Variants in DST observed in about 807,000 individuals in gnomAD.
The protein encoded by DST is dystonin.
A neutral mutation model predicts 875.2 loss-of-function variants in DST; 253 were observed. The ratio of observed to expected loss-of-function variants is 0.29; its 90% CI spans 0.26 to 0.32. The LOEUF (loss-of-function observed/expected upper bound fraction) is 0.32, where lower values mean the gene tolerates loss of function less well. Among genes scored for constraint, DST ranks in the 10% least tolerant of loss-of-function variants. The pLI is 1.00. For synonymous variants in DST, 3,124 were observed against 3,197.1 expected (o/e 0.98, Z 0.77); for missense variants, 8,287 against 9,111.6 (o/e 0.91, Z 3.68).
At chr6:56,493,896 T>G (rs1583061108) in intron 83 of DST, 114 bp downstream of exon 83, 1 of 802,022 alleles carries the variant, frequency 1.2e-6, no homozygotes, top group East Asian at 2.9e-5. Context: ...AAAAAATGTT[T>G]AAACATAAAT....
rs1040212954 is a variant in DST at position 56,572,643 on chromosome 6, A to C, written c.13554+104T>G. On this transcript the variant is annotated intron_variant, in intron 52 of 103. Transcript: ENST00000680361. ...AAACATAGATCTTTACTAATCTATA[A>C]GCAATTAAAATGATTGCCAATTATA... 9 of 834,424 alleles carry C rather than the reference A, an allele frequency of 1.1e-5. No individual in the cohort carries two copies. In the African/African-American group the frequency reaches 1.5e-4, roughly 14 times the overall value. 51.7% of individuals were successfully genotyped at this position (834,424 alleles called of 1,614,324 possible). A position where few individuals can be genotyped will look rare whatever the true frequency, so the allele number is the denominator to read the frequency against.
At chr6:56,898,267 T>C (rs992915913) in intron 3 of DST, among the ~76,000 whole-genome samples, 14 of 152,144 alleles carry the variant, frequency 9.2e-5, no homozygotes, top group African/African-American at 3.1e-4. Context: ...TATCCGAGCA[T>C]GAGTCAGTCT....
rs906435037 is a variant in DST, at chr6:56,517,531, G to A, written c.18219C>T (p.Asp6073=). 12 of 1,612,986 alleles carry A rather than the reference G, an allele frequency of 7.4e-6. No homozygotes were observed. The highest frequency in any genetic ancestry group is 6.7e-5 in the African/African-American group (5 of 74,858). Residue 6073 remains aspartate, a synonymous_variant, in exon 70 of 104, where the codon GAC becomes GAT. Transcript: ENST00000680361. The stretch of plus-strand genomic sequence containing the variant: ...GAACTTGAAGCTGAGCAGAAGTCTG[G>A]TCTTGCTCAAGCCTGATGTCACCCA... ...MSLGDIRLEQ[D]QTSAQLQVQK...
intron 102 of DST, chr6:56,460,574 C>T (rs1170079894): frequency 5.1e-6 from 1 of 196,754 alleles, no homozygotes; most frequent in African/African-American, 2.3e-5. Context: ...TAGTATCTTT[C>T]AGACTGTCAG....
rs57936670 is a variant in DST at position 56,638,129 on chromosome 6, C to G, written c.2964+1130G>C. 6.6e-3 allele frequency among the ~76,000 whole-genome samples: 1,004 copies of G among 152,132 alleles called. 13 individuals are homozygous for G. Among genetic ancestry groups the G allele is most frequent in the African/African-American group, 0.023 (971 of 41,514 alleles). ...TTTATTAATTAAATTATAATTTTTA[C>G]ATAAAAGTGATCAGAGTGACATTCA... is the stretch of plus-strand genomic sequence containing the variant. On this transcript the variant is annotated intron_variant, in intron 22 of 103. Transcript: ENST00000680361.
chr6:56,650,866 A>T, intron 12 of DST, 60 bp downstream of exon 12: 1 of 1,019,984 alleles, frequency 9.8e-7, no homozygotes, highest in Non-Finnish European at 1.5e-6. Flanking sequence ...TTATCAATAA[A>T]TGCAGTCAAT....
At chr6:56,850,436 G>A (rs891815680) in intron 4 of DST, among the ~76,000 whole-genome samples, 7 of 150,294 alleles carry the variant, frequency 4.7e-5, no homozygotes, top group Non-Finnish European at 5.9e-5. Flanking sequence ...AACAACTGTG[G>A]AAAGGGACCC....
At chr6:56,493,784 T>C (rs1325735338) in intron 83 of DST, among the ~76,000 whole-genome samples, 1 of 152,206 alleles carries the variant, frequency 6.6e-6, no homozygotes, top group Non-Finnish European at 1.5e-5. Context: ...ATTTGATCTA[T>C]ATATTTATCT....
At chr6:56,824,447 G>C (rs561386174) in intron 4 of DST, among the ~76,000 whole-genome samples, 114 of 152,272 alleles carry the variant, frequency 7.5e-4, no homozygotes, top group African/African-American at 2.7e-3. Flanking sequence ...GAAGTGAGGA[G>C]CGTCTCTGCC....
Position 56,745,496 on chromosome 6 carries a change from A to T in DST, c.626-10207T>A, listed in dbSNP as rs2099569612. Among the ~76,000 whole-genome samples the T allele has an allele frequency of 2.0e-5, 3 of 152,228 alleles. No homozygotes were observed. In the South Asian group the frequency reaches 6.2e-4, roughly 32 times the overall value. On this transcript the variant is annotated intron_variant, in intron 4 of 103. Coordinates refer to ENST00000680361, the MANE Select transcript of DST (RefSeq NM_001374736.1). ...GAAATTATACAATATTAGAAATAAGACAATTCTTAAAACAAATGGAACCAT... is the reference window on the plus strand; with the variant it reads ...GAAATTATACAATATTAGAAATAAGTCAATTCTTAAAACAAATGGAACCAT...
Position 56,607,820 on chromosome 6 carries a change from C to G in DST, c.6808G>C (p.Asp2270His). ...CTACTTGGTGTAGCTGTACATTCAT[C>G]CTTTTCTCTACCTGAAGCATTATTA... ...FLNNASGREK[D>H]ECTATPSSFN... Residue 2270 changes from aspartate to histidine, a missense_variant, in exon 40 of 104, where the codon GAT becomes CAT. Transcript: ENST00000680361. 1.2e-6 allele frequency: 2 copies of G among 1,613,478 alleles called. No homozygotes were observed. The highest frequency in any genetic ancestry group is 1.7e-6 in the Non-Finnish European group (2 of 1,179,684).
chr6:56,809,299 C>T (rs2099756972), intron 4 of DST, among the ~76,000 whole-genome samples: 1 of 152,180 alleles, frequency 6.6e-6, no homozygotes, highest in South Asian at 2.1e-4. Flanking sequence ...ATCTCAACTG[C>T]CCCTCCCCGA....
Position 56,614,429 on chromosome 6 carries a change from T to G in DST, c.4985A>C (p.Lys1662Thr), listed in dbSNP as rs1052419163. 1.1e-5 allele frequency: 18 copies of G among 1,610,988 alleles called. No homozygotes were observed. Among genetic ancestry groups the G allele is most frequent in the Non-Finnish European group, 1.5e-5 (18 of 1,178,682 alleles). ...TGTCTTGCTGATATTTGATACCCATTTTTGCAATTCTTTGGCTTTTTCAAC... is the reference window on the plus strand; with the variant it reads ...TGTCTTGCTGATATTTGATACCCATGTTTGCAATTCTTTGGCTTTTTCAAC... ...EHVEKAKELQ[K>T]WVSNISKTLK... The change falls in exon 37 of 104, where the codon AAA becomes ACA. Residue 1662 changes from lysine to threonine, a missense_variant. Coordinates refer to ENST00000680361, the MANE Select transcript of DST (RefSeq NM_001374736.1).
Position 56,954,717 on chromosome 6 carries a change from G to T in DST, c.-130C>A. ...CAGCGCGTCATGCCTGGCGCTCGCG[G>T]CCCCGCGCCCAGCCCAATGGCTGCG... On this transcript the variant is annotated 5_prime_UTR_variant, in exon 1 of 104. Coordinates refer to ENST00000680361, the MANE Select transcript of DST (RefSeq NM_001374736.1). 2.3e-6 allele frequency: 1 copy of T among 439,694 alleles called. No homozygotes were observed. Among genetic ancestry groups the T allele is most frequent in the Non-Finnish European group, 3.1e-6 (1 of 322,414 alleles). The allele number at this position is 439,694 out of a possible 1,614,324, so 27.2% of individuals were successfully genotyped here.
At chr6:56,732,924 C>A (rs1288400228) in intron 5 of DST, among the ~76,000 whole-genome samples, 1 of 152,160 alleles carries the variant, frequency 6.6e-6, no homozygotes, top group Non-Finnish European at 1.5e-5. Flanking sequence ...GCAGCTGTGG[C>A]AAGTTTCCCC....
At chr6:56,859,307 C>T (rs961860939) in intron 3 of DST, among the ~76,000 whole-genome samples, 15 of 152,086 alleles carry the variant, frequency 9.9e-5, no homozygotes, top group Non-Finnish European at 1.6e-4. Flanking sequence ...TCTCCCCAAA[C>T]AGATTACAAA....
intron 12 of DST, among the ~76,000 whole-genome samples, chr6:56,650,261 T>C (rs576436500): frequency 1.4e-5 from 2 of 144,946 alleles, no homozygotes; most frequent in South Asian, 4.2e-4. Flanking sequence ...TCCCCAAATA[T>C]GTGACACATA....
chr6:56,664,751 TG>T (rs1563547455), intron 10 of DST, among the ~76,000 whole-genome samples: 2 of 152,146 alleles, frequency 1.3e-5, no homozygotes, highest in African/African-American at 4.8e-5. Flanking sequence ...TCTTACCAGT[TG>T]TGGTTTTTAG....
chr6:56,718,534 ACCCAACAATT>A (rs747000358), intron 5 of DST, among the ~76,000 whole-genome samples: 2 of 152,222 alleles, frequency 1.3e-5, no homozygotes, highest in Non-Finnish European at 2.9e-5. Context: ...CTACCATATG[ACCCAACAATT>A]CCATTTCTAG....
Sources: gnomAD v4.1 joint callset for allele counts (sites outside exome capture counted in the v4.1 genomes callset) on GRCh38, gnomAD v4.1.1 for gene constraint, MANE v1.5 for transcripts, NCBI Gene and HGNC (gene_info 2026-07-23, HGNC 2026-07-21) for gene names.